The following CAMK2D variants were observed in gnomAD, a reference collection of about 807,000 sequenced individuals.
CAMK2D encodes calcium/calmodulin dependent protein kinase II delta.
In CAMK2D, 37 loss-of-function variants were observed where a neutral mutation model predicts 84.0. That is an observed-to-expected ratio of 0.44 (90% CI 0.34 to 0.58). The LOEUF is 0.58. Among genes scored for constraint, CAMK2D ranks in the 20% least tolerant of loss-of-function variants. The probability of loss-of-function intolerance (pLI) is 0.02; values close to 1 mark genes in which losing one functional copy is unlikely to be tolerated. For missense variants in CAMK2D, 448 were observed against 652.5 expected, an observed-to-expected ratio of 0.69 and a Z score of 3.41; for synonymous variants, 202 against 212.5, an observed-to-expected ratio of 0.95 and a Z score of 0.43.
intron 2 of CAMK2D, among the ~76,000 whole-genome samples, chr4:113,698,830 C>T (rs895534145): frequency 8.2e-4 from 125 of 152,122 alleles, no homozygotes; most frequent in African/African-American, 2.8e-3. Flanking sequence ...AGCTATATCA[C>T]CTGTCATAAA....
chr4:113,550,218 C>T (rs562327968), intron 5 of CAMK2D, among the ~76,000 whole-genome samples: 1 of 152,256 alleles, frequency 6.6e-6, no homozygotes, highest in African/African-American at 2.4e-5. Context: ...CTCACTCTGT[C>T]GCCCAGGCTG....
At chr4:113,589,906 G>C (rs1281921047) in intron 4 of CAMK2D, among the ~76,000 whole-genome samples, 2 of 152,062 alleles carry the variant, frequency 1.3e-5, no homozygotes. Flanking sequence ...TAAATGTCTG[G>C]GAGATGAGGA....
At chr4:113,730,849 A>G (rs72899856) in intron 2 of CAMK2D, among the ~76,000 whole-genome samples, 77 of 152,324 alleles carry the variant, frequency 5.1e-4, no homozygotes, top group African/African-American at 1.7e-3. Context: ...TTATTTTTAT[A>G]TCACCTGTGC....
intron 12 of CAMK2D, among the ~76,000 whole-genome samples, chr4:113,510,806 GTA>G (rs1286300286): frequency 2.6e-5 from 4 of 151,992 alleles, no homozygotes; most frequent in South Asian, 2.1e-4. Context: ...TATCATATTG[GTA>G]TATTTTTAAA....
At chr4:113,674,025 C>T (rs2099306981) in intron 2 of CAMK2D, among the ~76,000 whole-genome samples, 1 of 140,972 alleles carries the variant, frequency 7.1e-6, no homozygotes, top group African/African-American at 2.7e-5. Context: ...AAATATATAA[C>T]CATCTAGTGT....
intron 4 of CAMK2D, among the ~76,000 whole-genome samples, chr4:113,584,471 G>A (rs568444548): frequency 4.6e-5 from 7 of 152,204 alleles, no homozygotes; most frequent in Admixed American, 3.3e-4. Context: ...AGGAAGAAGA[G>A]AGGTTTCTTG....
chr4:113,462,278 GTGTGTGTGTGTGTGTGTCTGTC>G (rs1261012420), intron 17 of CAMK2D, among the ~76,000 whole-genome samples: 3,463 of 83,034 alleles, frequency 0.042, 60 homozygotes, highest in Middle Eastern at 0.075. Context: ...GTGTGTGTGT[GTGTGTGTGTGTGTGTGTCTGTC>G]TGTCTGTCTG....
At chr4:113,492,422 G>A (rs1015597894) in intron 16 of CAMK2D, among the ~76,000 whole-genome samples, 8 of 152,276 alleles carry the variant, frequency 5.3e-5, no homozygotes, top group African/African-American at 1.9e-4. Flanking sequence ...TCAGGAGCAG[G>A]TTGTTCAGTT....
intron 3 of CAMK2D, among the ~76,000 whole-genome samples, chr4:113,637,943 A>C (rs2099116446): frequency 1.3e-5 from 2 of 152,156 alleles, no homozygotes; most frequent in Non-Finnish European, 2.9e-5. Flanking sequence ...AAAAGCAAGA[A>C]AGAATAGCAG....
Position 113,537,458 on chromosome 4 carries a change from A to G in CAMK2D, c.415-15T>C, listed in dbSNP as rs756062178. On this transcript the variant is annotated splice_polypyrimidine_tract_variant and intron_variant, in intron 6 of 20. Transcript: ENST00000511664. ...AAATTCTCAGGCTTTATTTAGAAAG[A>G]AAAAAAAAGAGACTGAAGTGAGAAC... The G allele has an allele frequency of 4.1e-5, 58 of 1,427,606 alleles. No individual in the cohort carries two copies. The highest frequency in any genetic ancestry group is 5.8e-6 in the Non-Finnish European group (6 of 1,025,906). The allele number at this position is 1,427,606 out of a possible 1,614,324, so 88.4% of individuals were successfully genotyped here. A position where few individuals can be genotyped will look rare whatever the true frequency, so the allele number is the denominator to read the frequency against.
chr4:113,724,801 A>C (rs1318762484), intron 2 of CAMK2D, among the ~76,000 whole-genome samples: 1 of 151,674 alleles, frequency 6.6e-6, no homozygotes, highest in Non-Finnish European at 1.5e-5. Flanking sequence ...TCCTTTTGTT[A>C]TTAGGTCATT....
At chr4:113,738,631 T>A (rs984712668) in intron 2 of CAMK2D, among the ~76,000 whole-genome samples, 1 of 152,124 alleles carries the variant, frequency 6.6e-6, no homozygotes. Context: ...TTCTTAAGAA[T>A]CCTGTCTATA....
chr4:113,723,104 T>C (rs992064073), intron 2 of CAMK2D, among the ~76,000 whole-genome samples: 1 of 151,802 alleles, frequency 6.6e-6, no homozygotes, highest in South Asian at 2.1e-4. Flanking sequence ...AAAACACATA[T>C]AAAATTTTTT....
At chr4:113,495,107 C>T (rs545371749) in intron 16 of CAMK2D, among the ~76,000 whole-genome samples, 18 of 152,312 alleles carry the variant, frequency 1.2e-4, no homozygotes, top group South Asian at 8.3e-4. Flanking sequence ...TCTTCTGCGT[C>T]GCTCAAGCTG....
At chr4:113,541,745 C>G (rs1009713353) in intron 6 of CAMK2D, among the ~76,000 whole-genome samples, 5 of 152,098 alleles carry the variant, frequency 3.3e-5, no homozygotes, top group Non-Finnish European at 2.9e-5. Flanking sequence ...GAATCTCACT[C>G]TTTTAACAGA....
intron 5 of CAMK2D, 64 bp downstream of exon 5, chr4:113,551,967 A>C (rs1000689172): frequency 1.3e-6 from 1 of 760,778 alleles, no homozygotes; most frequent in Non-Finnish European, 2.2e-6. Context: ...TTTGTAAAGA[A>C]ATATGCTGAA....
chr4:113,667,498 C>T (rs2099262212), intron 2 of CAMK2D, among the ~76,000 whole-genome samples: 1 of 152,138 alleles, frequency 6.6e-6, no homozygotes, highest in Admixed American at 6.5e-5. Flanking sequence ...GGCCTTCTTC[C>T]TGGAGGTTTT....
chr4:113,633,821 T>G (rs1471879265), intron 3 of CAMK2D, among the ~76,000 whole-genome samples: 1 of 152,180 alleles, frequency 6.6e-6, no homozygotes, highest in Non-Finnish European at 1.5e-5. Flanking sequence ...GCTAGCTGTG[T>G]CTGCTAAACA....
At chr4:113,530,142 T>C (rs2098448376) in intron 8 of CAMK2D, among the ~76,000 whole-genome samples, 1 of 152,184 alleles carries the variant, frequency 6.6e-6, no homozygotes, top group African/African-American at 2.4e-5. Context: ...GTATCCCTTA[T>C]CCAAAATGCT....
Sources: gnomAD v4.1 joint callset for allele counts (sites outside exome capture counted in the v4.1 genomes callset) on GRCh38, gnomAD v4.1.1 for gene constraint, MANE v1.5 for transcripts, NCBI Gene and HGNC (gene_info 2026-07-23, HGNC 2026-07-21) for gene names.